TTC28: variants seen among roughly 807,000 people sequenced by gnomAD.
TTC28 encodes the protein tetratricopeptide repeat domain 28, also known as tetratricopeptide repeat protein 28.
Under a neutral mutation model 198.0 loss-of-function variants are expected in TTC28, and 61 were observed. The ratio of observed to expected loss-of-function variants is 0.31; its 90% CI spans 0.25 to 0.38. TTC28 has a LOEUF of 0.38. Ranked by LOEUF, TTC28 falls within the 10% of genes least tolerant of loss-of-function variation. TTC28 has a pLI of 1.00. For synonymous variants in TTC28, 1,171 were observed against 1,297.8 expected, an observed-to-expected ratio of 0.90 and a Z score of 2.10; for missense variants, 2,678 against 3,164.0, an observed-to-expected ratio of 0.85 and a Z score of 3.69.
chr22:28,312,897 C>T (rs1048912877), intron 2 of TTC28, among the ~76,000 whole-genome samples: 1 of 151,956 alleles, frequency 6.6e-6, no homozygotes, highest in Non-Finnish European at 1.5e-5. Flanking sequence ...CACAAAAAAA[C>T]CTTCAAAAAA....
chr22:28,064,631 TTAGA>T (rs1485630475), intron 12 of TTC28, among the ~76,000 whole-genome samples: 1 of 151,688 alleles, frequency 6.6e-6, no homozygotes, highest in Non-Finnish European at 1.5e-5. Flanking sequence ...TATTTTATTG[TTAGA>T]TAGACCCAAT....
chr22:28,343,401 G>A (rs56391942), intron 2 of TTC28, among the ~76,000 whole-genome samples: 15,278 of 151,828 alleles, frequency 0.1, 882 homozygotes, highest in African/African-American at 0.13. Flanking sequence ...GTGGTGGCAG[G>A]TGCCTGTAAT....
chr22:28,079,496 A>C (rs577207122), intron 12 of TTC28, among the ~76,000 whole-genome samples: 25 of 152,108 alleles, frequency 1.6e-4, no homozygotes, highest in Non-Finnish European at 2.8e-4. Context: ...ATATCCATTA[A>C]ACAACTCCCT....
At chr22:28,447,342 A>T (rs2047718763) in intron 2 of TTC28, among the ~76,000 whole-genome samples, 1 of 152,244 alleles carries the variant, frequency 6.6e-6, no homozygotes, top group African/African-American at 2.4e-5. Context: ...GTCCTTTAGA[A>T]ATATCAATTC....
chr22:27,983,003 G>C lies in TTC28; in HGVS notation c.6664C>G (p.Gln2222Glu), dbSNP rs1025708079. 29 of 1,551,612 alleles carry C rather than the reference G, an allele frequency of 1.9e-5. No homozygotes were observed. The highest frequency in any genetic ancestry group is 2.4e-5 in the Non-Finnish European group (27 of 1,147,012). ...GTGACTGGTGATGGCTGACTCTTCT[G>C]ATGGGAGAGAACAGGCCTGCTGAAC... ...SAFSRPVLSH[Q>E]KSQPSPVTVK... Residue 2222 changes from glutamine (Q) to glutamate (E), a missense_variant, in exon 23 of 23, where the codon CAG becomes GAG. Gln to Glu is a conservative substitution (Grantham distance 29). Around this residue, in one of 8 missense-constraint regions of TTC28, gnomAD observed 622 missense variants for 656.0 expected, o/e 0.95. Coordinates refer to ENST00000397906, the MANE Select transcript of TTC28 (RefSeq NM_001145418.2).
intron 5 of TTC28, among the ~76,000 whole-genome samples, chr22:28,295,715 A>T (rs1364106310): frequency 6.6e-6 from 1 of 152,178 alleles, no homozygotes; most frequent in Admixed American, 6.5e-5. Flanking sequence ...TCATCTCTTT[A>T]ATAAGACTAT....
At chr22:28,127,581 G>C (rs1234071723) in intron 6 of TTC28, among the ~76,000 whole-genome samples, 1 of 152,146 alleles carries the variant, frequency 6.6e-6, no homozygotes, top group Non-Finnish European at 1.5e-5. Flanking sequence ...GACTTCGTAT[G>C]AGAAAAGGAA....
intron 2 of TTC28, among the ~76,000 whole-genome samples, chr22:28,599,427 AC>A (rs2050602185): frequency 1.3e-5 from 2 of 152,248 alleles, no homozygotes; most frequent in Admixed American, 1.3e-4. Flanking sequence ...TCAGCTTGGC[AC>A]AATGGCTCAT....
At chr22:28,388,178 G>A (rs1350286492) in intron 2 of TTC28, among the ~76,000 whole-genome samples, 1 of 152,086 alleles carries the variant, frequency 6.6e-6, no homozygotes. Context: ...TATTTCTGAG[G>A]GCTCTATTCT....
intron 2 of TTC28, among the ~76,000 whole-genome samples, chr22:28,539,923 G>A (rs1465922935): frequency 6.6e-6 from 1 of 150,412 alleles, no homozygotes; most frequent in African/African-American, 2.4e-5. Context: ...TACTTCTGGG[G>A]AGGCCTCAGG....
chr22:28,112,726 C>G (rs963897186), intron 6 of TTC28, among the ~76,000 whole-genome samples: 1 of 152,188 alleles, frequency 6.6e-6, no homozygotes, highest in African/African-American at 2.4e-5. Flanking sequence ...ATCCTCCTTC[C>G]CTTTCGAGAC....
At chr22:28,421,423 ACAAAT>A (rs538898505) in intron 2 of TTC28, among the ~76,000 whole-genome samples, 188 of 152,334 alleles carry the variant, frequency 1.2e-3, no homozygotes, top group African/African-American at 3.9e-3. Flanking sequence ...GAAAAAAATT[ACAAAT>A]CATTGTATCA....
intron 5 of TTC28, among the ~76,000 whole-genome samples, chr22:28,165,732 T>C (rs1182017643): frequency 6.6e-6 from 1 of 152,134 alleles, no homozygotes; most frequent in Non-Finnish European, 1.5e-5. Context: ...ACATGCCAAA[T>C]TGCAAAGACC....
At chr22:28,225,380 GA>G (rs1928241855) in intron 5 of TTC28, among the ~76,000 whole-genome samples, 2 of 149,610 alleles carry the variant, frequency 1.3e-5, no homozygotes, top group Admixed American at 1.3e-4. Context: ...AGAAGAAGAA[GA>G]AGAAGAAGAA....
chr22:28,049,774 G>A (rs937797587), intron 12 of TTC28, among the ~76,000 whole-genome samples: 1 of 152,154 alleles, frequency 6.6e-6, no homozygotes, highest in Non-Finnish European at 1.5e-5. Flanking sequence ...ACACTGGTGT[G>A]TGAGGGGGTG....
rs1249200888 is a variant in TTC28 at position 28,274,999 on chromosome 22, A to AAG, written c.933+21197_933+21198dup. ...CTTAAAAAAAAAAAAAAAAAAAAAA[A>AAG]AGAGAGAGAGAGAGAAGCATTAGGA... On this transcript the variant is annotated intron_variant, in intron 5 of 22. Coordinates refer to ENST00000397906, the MANE Select transcript of TTC28 (RefSeq NM_001145418.2). Among the ~76,000 whole-genome samples the AAG allele has an allele frequency of 9.6e-4, 142 of 147,596 alleles. 1 individual carries two copies. The highest frequency in any genetic ancestry group is 2.5e-3 in the African/African-American group (98 of 38,512).
In TTC28 at chr22:27,982,858, G is replaced by A. The variant is rs1215020041; in HGVS notation, c.6809C>T (p.Pro2270Leu). ...AGTCTGTGAGTCGCAGCCGGGCGAT[G>A]GCCGGCCACTGTGCTGGCTCGGGCT... ...KDSPSQHSGR[P>L]SPGCDSQTSQ... The change falls in exon 23 of 23, where the codon CCA becomes CTA. Residue 2270 changes from proline (P) to leucine (L), a missense_variant. Physicochemically the swap from Pro to Leu is moderately conservative, Grantham distance 98. Transcript: ENST00000397906. The surrounding 1 kb of genome is among the most constrained non-coding windows in gnomAD (Gnocchi z 5.2). 3.2e-6 allele frequency: 5 copies of A among 1,545,958 alleles called. No individual in the cohort carries two copies. The highest frequency in any genetic ancestry group is 4.4e-6 in the Non-Finnish European group (5 of 1,143,308).
chr22:28,065,271 G>A (rs1940708150), intron 12 of TTC28, among the ~76,000 whole-genome samples: 1 of 152,178 alleles, frequency 6.6e-6, no homozygotes, highest in Non-Finnish European at 1.5e-5. Context: ...TCCAAAGAAG[G>A]AAGTGAAAAT....
chr22:28,274,204 C>T (rs2145715734), intron 5 of TTC28, among the ~76,000 whole-genome samples: 1 of 152,288 alleles, frequency 6.6e-6, no homozygotes, highest in South Asian at 2.1e-4. Context: ...ACTCCAGTTT[C>T]TGATATGCAG....
Sources: gnomAD v4.1 joint callset for allele counts (sites outside exome capture counted in the v4.1 genomes callset) on GRCh38, gnomAD v4.1.1 for gene constraint, gnomAD v4.1.1 regional missense constraint, Gnocchi (gnomAD v3.1) non-coding constraint, MANE v1.5 for transcripts, NCBI Gene and HGNC (gene_info 2026-07-23, HGNC 2026-07-21) for gene names.